CLMP: variants seen among roughly 807,000 people sequenced by gnomAD.
CLMP encodes the protein CXADR like cell adhesion molecule.
In CLMP, 27 loss-of-function variants were observed where a neutral mutation model predicts 45.2. That is an observed-to-expected ratio of 0.60 (90% confidence interval 0.44 to 0.82). The LOEUF is 0.82. Among genes scored for constraint, CLMP ranks in the 40% least tolerant of loss-of-function variants. The pLI is 0.00. For synonymous variants in CLMP, 167 were observed against 171.4 expected, an observed-to-expected ratio of 0.97 and a Z score of 0.20; for missense variants, 403 against 448.4, an observed-to-expected ratio of 0.90 and a Z score of 0.91.
chr11:123,194,605 C>CCTT (rs1422137554), intron 1 of CLMP, among the ~76,000 whole-genome samples: 1 of 152,174 alleles, frequency 6.6e-6, no homozygotes, highest in Non-Finnish European at 1.5e-5. Context: ...CCTGGATAAA[C>CCTT]CTTCCCTCCA....
intron 1 of CLMP, among the ~76,000 whole-genome samples, chr11:123,135,590 G>T (rs1253717968): frequency 2.0e-5 from 3 of 152,064 alleles, no homozygotes; most frequent in Non-Finnish European, 4.4e-5. Flanking sequence ...TACATAAAAA[G>T]AGAATAATAT....
intron 1 of CLMP, among the ~76,000 whole-genome samples, chr11:123,098,853 C>T (rs973366486): frequency 9.9e-5 from 15 of 151,728 alleles, no homozygotes; most frequent in Middle Eastern, 3.4e-3. Flanking sequence ...ATTACAGGCA[C>T]GCTGTAATTT....
intron 1 of CLMP, among the ~76,000 whole-genome samples, chr11:123,152,209 A>G (rs769070022): frequency 5.9e-5 from 9 of 152,068 alleles, no homozygotes; most frequent in African/African-American, 4.8e-5. Context: ...TATTACTGCT[A>G]TGTTCACTGC....
intron 1 of CLMP, among the ~76,000 whole-genome samples, chr11:123,113,053 G>A (rs923275960): frequency 2.6e-5 from 4 of 152,204 alleles, no homozygotes; most frequent in South Asian, 4.1e-4. Context: ...GATTACAGGC[G>A]TGAGCCACCA....
chr11:123,151,499 C>A (rs1861337421), intron 1 of CLMP, among the ~76,000 whole-genome samples: 1 of 152,208 alleles, frequency 6.6e-6, no homozygotes, highest in African/African-American at 2.4e-5. Context: ...AAGCGTCTAA[C>A]TACAGAAGCA....
chr11:123,191,680 C>T (rs1261409169), intron 1 of CLMP, among the ~76,000 whole-genome samples: 1 of 152,220 alleles, frequency 6.6e-6, no homozygotes, highest in Non-Finnish European at 1.5e-5. Context: ...AACTGGGCTC[C>T]TCACTATTGG....
At chr11:123,113,255 A>G (rs977089007) in intron 1 of CLMP, among the ~76,000 whole-genome samples, 2 of 152,256 alleles carry the variant, frequency 1.3e-5, no homozygotes, top group Non-Finnish European at 2.9e-5. Flanking sequence ...AAATGTGAGC[A>G]GCACCTGTTA....
intron 2 of CLMP, among the ~76,000 whole-genome samples, chr11:123,089,538 G>A (rs1865902064): frequency 6.6e-6 from 1 of 152,092 alleles, no homozygotes; most frequent in African/African-American, 2.4e-5. Flanking sequence ...GGCCGAGGCG[G>A]GCGGATCACA....
At chr11:123,083,900 C>T in intron 3 of CLMP, 53 bp from the exon 4 acceptor site, 1 of 1,593,528 alleles carries the variant, frequency 6.3e-7, no homozygotes, top group Non-Finnish European at 8.6e-7. Context: ...TCCCCAAACA[C>T]CAGATTCAAT....
intron 1 of CLMP, among the ~76,000 whole-genome samples, chr11:123,141,269 C>A (rs1861153493): frequency 6.8e-6 from 1 of 146,628 alleles, no homozygotes; most frequent in Non-Finnish European, 1.5e-5. Context: ...ACTGCAACCT[C>A]CGCCTCCCAG....
At chr11:123,103,443 T>C (rs941474070) in intron 1 of CLMP, among the ~76,000 whole-genome samples, 1 of 152,172 alleles carries the variant, frequency 6.6e-6, no homozygotes, top group South Asian at 2.1e-4. Context: ...TCGTCTGATG[T>C]CCCCAAAAAA....
chr11:123,075,241 A>G (rs1865723607), intron 5 of CLMP, among the ~76,000 whole-genome samples: 1 of 152,092 alleles, frequency 6.6e-6, no homozygotes, highest in Non-Finnish European at 1.5e-5. Flanking sequence ...GGCGGGAGCC[A>G]CCGCGCCGAC....
intron 2 of CLMP, among the ~76,000 whole-genome samples, chr11:123,091,871 A>C (rs1415368381): frequency 8.2e-6 from 1 of 121,338 alleles, no homozygotes; most frequent in Non-Finnish European, 1.6e-5. Context: ...ACACTGATGA[A>C]GGCTTGGCTT....
chr11:123,150,479 G>GAAAGAA lies in CLMP; in HGVS notation c.28+44433_28+44434insTTCTTT, dbSNP rs1555084536. Among the ~76,000 whole-genome samples the GAAAGAA allele has an allele frequency of 3.9e-4, 42 of 106,592 alleles. 1 individual carries two copies. Among genetic ancestry groups the GAAAGAA allele is most frequent in the Non-Finnish European group, 6.9e-4 (34 of 49,274 alleles). 69.9% of individuals were successfully genotyped at this position (106,592 alleles called of 152,430 possible). A position where few individuals can be genotyped will look rare whatever the true frequency, so the allele number is the denominator to read the frequency against. ...AGAAAGAAAGAAAGAAAGAAAGAAA[G>GAAAGAA]AAAGGAAGGAAGGAAGGAAGGAAGG... On this transcript the variant is annotated intron_variant, in intron 1 of 6. Coordinates refer to ENST00000448775, the MANE Select transcript of CLMP (RefSeq NM_024769.5).
At chr11:123,168,273 G>A (rs1264395755) in intron 1 of CLMP, among the ~76,000 whole-genome samples, 1 of 151,654 alleles carries the variant, frequency 6.6e-6, no homozygotes, top group Non-Finnish European at 1.5e-5. Flanking sequence ...GCCAGGGCAG[G>A]GCTAGGGCTG....
chr11:123,110,096 A>G (rs1356076073), intron 1 of CLMP, among the ~76,000 whole-genome samples: 1 of 152,170 alleles, frequency 6.6e-6, no homozygotes, highest in Non-Finnish European at 1.5e-5. Context: ...GAATTACGGA[A>G]TCATTATGGT....
At chr11:123,145,082 C>T (rs1861217628) in intron 1 of CLMP, among the ~76,000 whole-genome samples, 1 of 151,946 alleles carries the variant, frequency 6.6e-6, no homozygotes, top group Admixed American at 6.6e-5. Flanking sequence ...AGTAATTTTT[C>T]CATTGATTAT....
Position 123,073,679 on chromosome 11 carries a change from G to T in CLMP, c.917C>A (p.Ser306Tyr), listed in dbSNP as rs146075432. 16 of 1,614,122 alleles carry T rather than the reference G, an allele frequency of 9.9e-6. No homozygotes were observed. The highest frequency in any genetic ancestry group is 1.3e-5 in the Non-Finnish European group (15 of 1,180,052). ...GCTGCGTGAGGCACTATTTGCTGTG[G>T]AGCGAGTGGAGGAAGAACCAGAGCG... The part of the protein sequence containing the change: ...SSRSGSSSTR[S>Y]TANSASRSQR... The change falls in exon 7 of 7, where the codon TCC becomes TAC. Residue 306 changes from serine to tyrosine, a missense_variant. Transcript: ENST00000448775.
rs546509638 is a variant in CLMP, at chr11:123,150,489, A to C, written c.28+44424T>G. ...AAAGAAAGAAAGAAAGAAAGGAAGG[A>C]AGGAAGGAAGGAAGGAAGGAAGGAA... On this transcript the variant is annotated intron_variant, in intron 1 of 6. Transcript: ENST00000448775. 1.4e-4 allele frequency among the ~76,000 whole-genome samples: 17 copies of C among 120,582 alleles called. 1 individual carries two copies. Among genetic ancestry groups the C allele is most frequent in the South Asian group, 7.0e-4 (2 of 2,876 alleles). 79.1% of individuals were successfully genotyped at this position (120,582 alleles called of 152,430 possible). A position where few individuals can be genotyped will look rare whatever the true frequency, so the allele number is the denominator to read the frequency against.
Sources: gnomAD v4.1 joint callset for allele counts (sites outside exome capture counted in the v4.1 genomes callset) on GRCh38, gnomAD v4.1.1 for gene constraint, MANE v1.5 for transcripts, NCBI Gene and HGNC (gene_info 2026-07-23, HGNC 2026-07-21) for gene names.